AHRR: variants seen among roughly 807,000 people sequenced by gnomAD.
AHRR encodes the protein aryl hydrocarbon receptor repressor.
AHRR carries 28 observed loss-of-function variants against 44.0 expected under a neutral mutation model. That is an observed-to-expected ratio of 0.64 (90% CI 0.47 to 0.87). The LOEUF is 0.87. AHRR is among the 40% of genes least tolerant of loss of function. AHRR has a pLI of 0.00. For missense variants in AHRR, 990 were observed against 953.9 expected (o/e 1.04, Z -0.50); for synonymous variants, 434 against 407.0 (o/e 1.07, Z -0.80).
chr5:393,903 CAG>C (rs1248845037), intron 4 of AHRR, among the ~76,000 whole-genome samples: 1 of 152,212 alleles, frequency 6.6e-6, no homozygotes, highest in Non-Finnish European at 1.5e-5. Flanking sequence ...GCTGGGATGA[CAG>C]GCGTGAGCCG....
rs754753762 is a variant in AHRR at position 434,494 on chromosome 5, C to T, written c.1754C>T (p.Ser585Leu). The change falls in exon 11 of 11, where the codon TCG (serine) becomes TTG (leucine). Residue 585 changes from serine to leucine, a missense_variant. Physicochemically the swap from Ser to Leu is moderately radical, Grantham distance 145. Coordinates refer to ENST00000684583, the MANE Select transcript of AHRR (RefSeq NM_001377236.1). ...EPDSRQQVYISHLGHGVRGAQ... is the reference protein window; with the variant it reads ...EPDSRQQVYILHLGHGVRGAQ... ...GACTCTCGGCAACAGGTGTACATCT[C>T]GCACCTGGGGCACGGCGTGCGGGGG... 1.2e-5 allele frequency: 19 copies of T among 1,613,110 alleles called. No homozygotes were observed. Among genetic ancestry groups the T allele is most frequent in the African/African-American group, 4.0e-5 (3 of 74,950 alleles).
intron 4 of AHRR, among the ~76,000 whole-genome samples, chr5:390,076 A>G (rs1356499408): frequency 6.6e-6 from 1 of 152,164 alleles, no homozygotes; most frequent in African/African-American, 2.4e-5. Flanking sequence ...AAGAAAAGAC[A>G]GAGGCCGGAA....
chr5:393,119 T>C (rs1221770393), intron 4 of AHRR, among the ~76,000 whole-genome samples: 1 of 152,244 alleles, frequency 6.6e-6, no homozygotes, highest in Non-Finnish European at 1.5e-5. Flanking sequence ...GTGCACATTC[T>C]GCTTTTGTTC....
chr5:344,284 G>C (rs747422689), intron 2 of AHRR, among the ~76,000 whole-genome samples: 5 of 151,066 alleles, frequency 3.3e-5, no homozygotes, highest in Non-Finnish European at 4.4e-5. Context: ...GCGGGGCCAC[G>C]GCAGCTTCCC....
chr5:384,363 C>T (rs1243290000), intron 4 of AHRR, among the ~76,000 whole-genome samples: 3 of 152,080 alleles, frequency 2.0e-5, no homozygotes, highest in Admixed American at 6.5e-5. Flanking sequence ...CACATAAATC[C>T]TCTTACACTT....
chr5:434,752 G>T lies in AHRR; in HGVS notation c.2012G>T (p.Gly671Val). 1 of 1,567,258 alleles carries T rather than the reference G, an allele frequency of 6.4e-7. No individual in the cohort carries two copies. The highest frequency in any genetic ancestry group is 8.7e-7 in the Non-Finnish European group (1 of 1,155,762). The change falls in exon 11 of 11, where the codon GGA becomes GTA. Residue 671 changes from glycine (G) to valine (V), a missense_variant. Coordinates refer to ENST00000684583, the MANE Select transcript of AHRR (RefSeq NM_001377236.1). ...CCCCAGTGGGCTACTCACAGCCAGG[G>T]AATGGTGCCCGGGATGTTGCCCAAA... is the stretch of plus-strand genomic sequence containing the variant. ...DSPQWATHSQ[G>V]MVPGMLPKSA... is the part of the protein sequence containing the mutation.
intron 4 of AHRR, among the ~76,000 whole-genome samples, chr5:385,124 C>T (rs1337586323): frequency 6.6e-6 from 1 of 152,004 alleles, no homozygotes; most frequent in Non-Finnish European, 1.5e-5. Flanking sequence ...ACAAAACTCT[C>T]TTTAGCACTT....
rs1175673256 is a variant in AHRR, at chr5:344,393, G to C, written c.62+429G>C. Among the ~76,000 whole-genome samples the C allele has an allele frequency of 2.6e-5, 2 of 78,158 alleles. 1 individual carries two copies. The highest frequency in any genetic ancestry group is 5.7e-5 in the Non-Finnish European group (2 of 35,350). 51.3% of individuals were successfully genotyped at this position (78,158 alleles called of 152,430 possible). Reference sequence around the variant, plus strand: ...GGCTATGCGAGGCTGTGTGTCTGCGGGTGGGGAGGGCTGCGGGGGTGTGTG... The same window carrying C: ...GGCTATGCGAGGCTGTGTGTCTGCGCGTGGGGAGGGCTGCGGGGGTGTGTG... On this transcript the variant is annotated intron_variant, in intron 2 of 10. Transcript: ENST00000684583.
intron 2 of AHRR, among the ~76,000 whole-genome samples, chr5:344,843 G>T (rs1382216388): frequency 7.7e-6 from 1 of 129,310 alleles, no homozygotes; most frequent in Non-Finnish European, 1.5e-5. Context: ...AGGGAGCTGT[G>T]TGTGTGGGGT....
chr5:413,476 G>A (rs11744075), intron 5 of AHRR, 43 bp downstream of exon 5: 429,471 of 1,383,420 alleles, frequency 0.31, 73,480 homozygotes, highest in Non-Finnish European at 0.35. Flanking sequence ...TAAGTGCTAT[G>A]TTGTCTTCCC....
At chr5:379,975 G>T (rs1467932018) in intron 4 of AHRR, among the ~76,000 whole-genome samples, 1 of 152,056 alleles carries the variant, frequency 6.6e-6, no homozygotes, top group Non-Finnish European at 1.5e-5. Flanking sequence ...TTACATTCTG[G>T]TCTATGATCC....
chr5:382,610 T>A (rs1734029210), intron 4 of AHRR, among the ~76,000 whole-genome samples: 1 of 152,152 alleles, frequency 6.6e-6, no homozygotes, highest in Admixed American at 6.5e-5. Flanking sequence ...TTGGTTTTAT[T>A]TTCTGTTTCC....
chr5:360,629 C>T (rs764221461), intron 3 of AHRR, among the ~76,000 whole-genome samples: 10 of 152,138 alleles, frequency 6.6e-5, no homozygotes, highest in Non-Finnish European at 1.3e-4. Flanking sequence ...CACACGTACC[C>T]CATGAACAGA....
intron 1 of AHRR, among the ~76,000 whole-genome samples, chr5:332,734 A>G (rs910506305): frequency 1.3e-5 from 2 of 152,172 alleles, no homozygotes; most frequent in Admixed American, 1.3e-4. Flanking sequence ...TTTTCCATTT[A>G]GCTGATCTGT....
chr5:391,909 GCACGAACA>G (rs1734477367), intron 4 of AHRR, among the ~76,000 whole-genome samples: 4 of 5,276 alleles, frequency 7.6e-4, no homozygotes, highest in Non-Finnish European at 1.3e-3. Flanking sequence ...GCCAGAGCGT[GCACGAACA>G]CACGGGTGCA....
At chr5:343,609 C>A in intron 1 of AHRR, 1 of 437,830 alleles carries the variant, frequency 2.3e-6, no homozygotes, top group Non-Finnish European at 4.0e-6. Flanking sequence ...CCACGGCGCC[C>A]TGAGCCAGGC....
At chr5:398,356 C>T (rs926628759) in intron 4 of AHRR, among the ~76,000 whole-genome samples, 1 of 152,072 alleles carries the variant, frequency 6.6e-6, no homozygotes, top group East Asian at 1.9e-4. Context: ...TACACCTTAG[C>T]CCCTGATTGT....
intron 5 of AHRR, among the ~76,000 whole-genome samples, chr5:415,730 G>GCGGAGTCTGC (rs1560916547): frequency 6.6e-6 from 1 of 152,110 alleles, no homozygotes; most frequent in Non-Finnish European, 1.5e-5. Context: ...AGGCCTAGGG[G>GCGGAGTCTGC]CTGTGCAGAG....
chr5:434,140 C>T lies in AHRR; in HGVS notation c.1400C>T (p.Pro467Leu). Reference protein sequence around the residue: ...PSAYSSRTSRPMRDVGEDQVH... With the variant: ...PSAYSSRTSRLMRDVGEDQVH... ...GCCTACTCCAGCCGGACCAGCAGAC[C>T]CATGCGGGATGTCGGTGAGGACCAG... Residue 467 changes from proline to leucine, a missense_variant, in exon 11 of 11, where the codon CCC (proline) becomes CTC (leucine). By Grantham distance (98) the Pro-to-Leu change is moderately conservative (BLOSUM62 -3). Coordinates refer to ENST00000684583, the MANE Select transcript of AHRR (RefSeq NM_001377236.1). 1 of 1,611,244 alleles carries T rather than the reference C, an allele frequency of 6.2e-7. No homozygotes were observed. Among genetic ancestry groups the T allele is most frequent in the Non-Finnish European group, 8.5e-7 (1 of 1,179,208 alleles).
Sources: allele counts gnomAD v4.1 joint callset (sites outside exome capture counted in the v4.1 genomes callset), GRCh38; gene constraint gnomAD v4.1.1; transcripts MANE v1.5; gene names NCBI Gene and HGNC (gene_info 2026-07-23, HGNC 2026-07-21).